The following TENT4A variants were observed in gnomAD, a reference collection of about 807,000 sequenced individuals.
The protein encoded by TENT4A is DNA polymerase kappa.
In TENT4A, 7 loss-of-function variants were observed where a neutral mutation model predicts 72.8. That is an observed-to-expected ratio of 0.10 (90% CI 0.05 to 0.18). The LOEUF is 0.18. Among genes scored for constraint, TENT4A ranks in the 10% least tolerant of loss-of-function variants. TENT4A has a pLI of 1.00. For missense variants in TENT4A, 831 were observed against 1,017.7 expected (o/e 0.82, Z 2.50); for synonymous variants, 456 against 434.3 (o/e 1.05, Z -0.62).
intron 1 of TENT4A, 57 bp downstream of exon 1, chr5:6,714,756 C>CCCGCGGTCCTGGCCGGCGA: frequency 9.5e-7 from 1 of 1,048,372 alleles, no homozygotes; most frequent in Non-Finnish European, 1.2e-6. Flanking sequence ...CTGGCCGGCG[C>CCCGCGGTCCTGGCCGGCGA]CCGCGGTGCA....
rs1720833451 is a variant in TENT4A, at chr5:6,755,618, G to GT, written c.*676dup. 6.6e-6 allele frequency: 1 copy of GT among 152,550 alleles called. No individual in the cohort carries two copies. The highest frequency in any genetic ancestry group is 2.4e-5 in the African/African-American group (1 of 41,456). The allele number at this position is 152,550 out of a possible 1,614,324, so 9.4% of individuals were successfully genotyped here. ...ATCGTTACAAACACCATGATGAGGG[G>GT]TTTGGGGTTTTATTTTGATGTCTTT... On this transcript the variant is annotated 3_prime_UTR_variant, in exon 13 of 13. Coordinates refer to ENST00000230859, the MANE Select transcript of TENT4A (RefSeq NM_006999.6).
In TENT4A at chr5:6,726,539, T is replaced by C. The variant is rs1001675749; in HGVS notation, c.717-10971T>C. Among the ~76,000 whole-genome samples, 10 of 152,168 alleles carry C rather than the reference T, an allele frequency of 6.6e-5. No individual in the cohort carries two copies. The South Asian group carries it at 8.3e-4, about 13-fold the overall frequency. On this transcript the variant is annotated intron_variant, in intron 1 of 12. Transcript: ENST00000230859. ...CGTGCCACCTTGACCTGGCATCCACTGTCCTCTACCGCGTTTGCAGATAGG... is the reference window on the plus strand; with the variant it reads ...CGTGCCACCTTGACCTGGCATCCACCGTCCTCTACCGCGTTTGCAGATAGG...
At chr5:6,722,519 A>G (rs1334578154) in intron 1 of TENT4A, among the ~76,000 whole-genome samples, 6 of 150,080 alleles carry the variant, frequency 4.0e-5, no homozygotes, top group Non-Finnish European at 8.9e-5. Flanking sequence ...AATGATGAAT[A>G]ATGTCTGTTC....
At chr5:6,747,954 A>G (rs1742195337) in intron 7 of TENT4A, among the ~76,000 whole-genome samples, 1 of 152,092 alleles carries the variant, frequency 6.6e-6, no homozygotes, top group Admixed American at 6.5e-5. Flanking sequence ...ATTCTAAAGG[A>G]TTTACTTCCT....
At chr5:6,737,968 C>G (rs1243878290) in intron 2 of TENT4A, among the ~76,000 whole-genome samples, 1 of 147,442 alleles carries the variant, frequency 6.8e-6, no homozygotes, top group Non-Finnish European at 1.5e-5. Context: ...TTAAGTTCAC[C>G]TTAAAATTTA....
At chr5:6,741,005 C>G (rs1579482281) in intron 4 of TENT4A, among the ~76,000 whole-genome samples, 1 of 152,150 alleles carries the variant, frequency 6.6e-6, no homozygotes, top group Non-Finnish European at 1.5e-5. Context: ...GTCTGCTGCT[C>G]CTCTGTGTGT....
chr5:6,730,654 C>T (rs1170526741), intron 1 of TENT4A, among the ~76,000 whole-genome samples: 5 of 150,854 alleles, frequency 3.3e-5, no homozygotes, highest in African/African-American at 9.8e-5. Flanking sequence ...CCAGAGTGGG[C>T]GGAACTGAGG....
chr5:6,713,924 G>GCGGGGGCGGGGCCGCGT lies in TENT4A; in HGVS notation c.-54_-38dup. The GCGGGGGCGGGGCCGCGT allele has an allele frequency of 1.4e-6, 1 of 731,230 alleles. No individual in the cohort carries two copies. Among genetic ancestry groups the GCGGGGGCGGGGCCGCGT allele is most frequent in the Non-Finnish European group, 1.7e-6 (1 of 601,116 alleles). The allele number at this position is 731,230 out of a possible 1,614,324, so 45.3% of individuals were successfully genotyped here. ...GCGCGCGGCCGGGCCTCGGGGCGCG[G>GCGGGGGCGGGGCCGCGT]CGGGGGCGGGGCCGCGTCGGGGCGG... On this transcript the variant is annotated 5_prime_UTR_variant, in exon 1 of 13. Coordinates refer to ENST00000230859, the MANE Select transcript of TENT4A (RefSeq NM_006999.6).
intron 6 of TENT4A, among the ~76,000 whole-genome samples, chr5:6,745,088 G>A (rs1311121008): frequency 1.3e-5 from 2 of 152,196 alleles, no homozygotes; most frequent in Non-Finnish European, 2.9e-5. Context: ...CGGTGTGACT[G>A]TGGCAGCATC....
In TENT4A at chr5:6,741,115, T is replaced by G. The variant is rs1741782044; in HGVS notation, c.1008+1263T>G. ...GCTGTCCTGAGGCCACACAGTAGGTTGAGCAGTTACAGTAACTGCTTAGTC... is the reference window on the plus strand; with the variant it reads ...GCTGTCCTGAGGCCACACAGTAGGTGGAGCAGTTACAGTAACTGCTTAGTC... On this transcript the variant is annotated intron_variant, in intron 4 of 12. Transcript: ENST00000230859. Among the ~76,000 whole-genome samples the G allele has an allele frequency of 2.0e-5, 3 of 152,194 alleles. No homozygotes were observed. The South Asian group carries it at 6.2e-4, about 31-fold the overall frequency.
In TENT4A at chr5:6,748,478, C is replaced by T. The variant is rs1416358263; in HGVS notation, c.1474C>T (p.Arg492Trp). Residue 492 changes from arginine to tryptophan, a missense_variant, in exon 8 of 13, where the codon CGG becomes TGG. Transcript: ENST00000230859. The stretch of plus-strand genomic sequence containing the variant: ...TTTTGCTGCAGGGAATGACGTTGGC[C>T]GGAGCTCCTATGGCGCCATGCAGGT... Reference protein sequence around the residue: ...DPLLPGNDVGRSSYGAMQVKQ... With the variant: ...DPLLPGNDVGWSSYGAMQVKQ... The T allele has an allele frequency of 1.2e-6, 2 of 1,614,016 alleles. No homozygotes were observed. The highest frequency in any genetic ancestry group is 1.1e-5 in the South Asian group (1 of 91,074).
intron 1 of TENT4A, chr5:6,715,072 A>T (rs1247762354): frequency 6.3e-6 from 1 of 158,130 alleles, no homozygotes; most frequent in Admixed American, 6.5e-5. Context: ...CACGTAAGTT[A>T]AGTTGCAGAA....
At chr5:6,732,822 C>T (rs963573874) in intron 1 of TENT4A, among the ~76,000 whole-genome samples, 6 of 152,110 alleles carry the variant, frequency 3.9e-5, no homozygotes, top group South Asian at 2.1e-4. Context: ...GGCAATGGAT[C>T]GGGAAGCTGA....
chr5:6,750,861 A>G, intron 10 of TENT4A, 178 bp from the exon 11 acceptor site: 1 of 622,876 alleles, frequency 1.6e-6, no homozygotes, highest in Non-Finnish European at 2.8e-6. Context: ...TTCAGTTGTG[A>G]TGAAATTACT....
intron 1 of TENT4A, among the ~76,000 whole-genome samples, chr5:6,719,526 A>G (rs987423949): frequency 2.6e-5 from 4 of 152,164 alleles, no homozygotes; most frequent in African/African-American, 9.7e-5. Flanking sequence ...CCTTTCTAGG[A>G]GGTGTGGCTG....
chr5:6,717,705 C>T (rs547138252), intron 1 of TENT4A, among the ~76,000 whole-genome samples: 2 of 152,188 alleles, frequency 1.3e-5, no homozygotes, highest in African/African-American at 2.4e-5. Context: ...TGCTATCTAC[C>T]TGGGCTTCTG....
At chr5:6,725,815 C>T (rs1740890124) in intron 1 of TENT4A, among the ~76,000 whole-genome samples, 2 of 152,022 alleles carry the variant, frequency 1.3e-5, no homozygotes, top group Admixed American at 6.6e-5. Flanking sequence ...AGTAGAAATA[C>T]TTTTATTAAA....
intron 2 of TENT4A, among the ~76,000 whole-genome samples, chr5:6,737,920 T>TTTC (rs1360828201): frequency 6.6e-6 from 1 of 151,378 alleles, no homozygotes; most frequent in East Asian, 1.9e-4. Context: ...TTTTTTTTTT[T>TTTC]TTTTTTTGGA....
intron 1 of TENT4A, chr5:6,714,920 G>A (rs949201401): frequency 7.5e-6 from 2 of 267,052 alleles, no homozygotes; most frequent in African/African-American, 4.4e-5. Context: ...CCAAGAAAAG[G>A]GGCTGCTGGG....
Sources: gnomAD v4.1 joint callset for allele counts (sites outside exome capture counted in the v4.1 genomes callset) on GRCh38, gnomAD v4.1.1 for gene constraint, MANE v1.5 for transcripts, NCBI Gene and HGNC (gene_info 2026-07-23, HGNC 2026-07-21) for gene names.